CADM2: variants seen among roughly 807,000 people sequenced by gnomAD.
The protein encoded by CADM2 is cell adhesion molecule 2.
CADM2 carries 12 observed loss-of-function variants against 49.8 expected under a neutral mutation model. The ratio of observed to expected loss-of-function variants is 0.24; its 90% CI spans 0.15 to 0.39. CADM2 has a LOEUF of 0.39. Among genes scored for constraint, CADM2 ranks in the 10% least tolerant of loss-of-function variants. CADM2 has a pLI of 1.00. For missense variants in CADM2, 378 were observed against 492.3 expected (o/e 0.77, Z 2.20); for synonymous variants, 214 against 175.4 (o/e 1.22, Z -1.74).
chr3:85,841,619 C>T (rs1241411503), intron 3 of CADM2, among the ~76,000 whole-genome samples: 2 of 151,964 alleles, frequency 1.3e-5, no homozygotes, highest in African/African-American at 4.8e-5. Context: ...CCCAACCAAT[C>T]CAGGTTTGTG....
intron 1 of CADM2, among the ~76,000 whole-genome samples, chr3:84,990,205 C>T (rs913187139): frequency 6.6e-5 from 10 of 151,350 alleles, no homozygotes; most frequent in Non-Finnish European, 1.3e-4. Context: ...AAAGACTAAG[C>T]GTATTTACAA....
chr3:85,053,835 C>T (rs905115456), intron 1 of CADM2, among the ~76,000 whole-genome samples: 2 of 151,778 alleles, frequency 1.3e-5, no homozygotes, highest in African/African-American at 4.8e-5. Context: ...TGGCTGCCAC[C>T]CTCATGTTTA....
chr3:85,622,246 G>A (rs576588349), intron 1 of CADM2, among the ~76,000 whole-genome samples: 5 of 152,030 alleles, frequency 3.3e-5, no homozygotes, highest in African/African-American at 1.2e-4. Flanking sequence ...ATGTCAGCAA[G>A]ACAATATTAT....
At position 85,373,107 on chromosome 3, in the gene CADM2, C is replaced by A. The variant is rs1489647698; in HGVS notation, c.62-353415C>A. 2.7e-4 allele frequency among the ~76,000 whole-genome samples: 41 copies of A among 152,108 alleles called. 1 individual carries two copies. On this transcript the variant is annotated intron_variant, in intron 1 of 9. Transcript: ENST00000383699. The stretch of plus-strand genomic sequence containing the variant: ...ACCCCAAAGTCTCGACTCATTTCAG[C>A]ATTAACTCAAAAGTCCACAGCCCAA...
chr3:85,478,806 C>T (rs1258558117), intron 1 of CADM2, among the ~76,000 whole-genome samples: 1 of 151,914 alleles, frequency 6.6e-6, no homozygotes, highest in East Asian at 1.9e-4. Context: ...GGGAAATCAG[C>T]AATAGGAAAT....
At chr3:85,706,381 T>C (rs1240996205) in intron 1 of CADM2, among the ~76,000 whole-genome samples, 1 of 152,232 alleles carries the variant, frequency 6.6e-6, no homozygotes, top group Non-Finnish European at 1.5e-5. Flanking sequence ...AAGTTGATAA[T>C]CATTTTTCTA....
intron 1 of CADM2, among the ~76,000 whole-genome samples, chr3:85,309,613 G>T (rs1296312839): frequency 6.6e-6 from 1 of 151,896 alleles, no homozygotes; most frequent in Non-Finnish European, 1.5e-5. Flanking sequence ...GTTATTATAA[G>T]GGTTTCTAAC....
chr3:85,634,392 A>G (rs562233580), intron 1 of CADM2, among the ~76,000 whole-genome samples: 1 of 152,174 alleles, frequency 6.6e-6, no homozygotes, highest in South Asian at 2.1e-4. Flanking sequence ...CATATTTTTT[A>G]ATTTTAAATA....
chr3:85,619,901 G>A (rs568725766), intron 1 of CADM2, among the ~76,000 whole-genome samples: 11 of 152,122 alleles, frequency 7.2e-5, no homozygotes, highest in Non-Finnish European at 1.5e-4. Flanking sequence ...CAAAATCCCA[G>A]CCTGTCAGAA....
At chr3:85,077,032 G>A (rs2036972511) in intron 1 of CADM2, among the ~76,000 whole-genome samples, 1 of 152,176 alleles carries the variant, frequency 6.6e-6, no homozygotes, top group Admixed American at 6.5e-5. Context: ...CATTGTATAT[G>A]TTTGACTGAG....
chr3:85,347,518 TATATATAAATGTATACACAC>T lies in CADM2; in HGVS notation c.62-378993_62-378974del, dbSNP rs2030817773. Among the ~76,000 whole-genome samples, 5 of 135,694 alleles carry T rather than the reference TATATATAAATGTATACACAC, an allele frequency of 3.7e-5. No individual in the cohort carries two copies. In the East Asian group the frequency reaches 6.0e-4, roughly 16 times the overall value. 89.0% of individuals were successfully genotyped at this position (135,694 alleles called of 152,430 possible). A position where few individuals can be genotyped will look rare whatever the true frequency, so the allele number is the denominator to read the frequency against. ...ATATATATAAATATATATACACACA[TATATATAAATGTATACACAC>T]ATATATAAATATATATACACACATA... On this transcript the variant is annotated intron_variant, in intron 1 of 9. Transcript: ENST00000383699.
At chr3:85,939,364 C>T (rs1275382126) in intron 7 of CADM2, among the ~76,000 whole-genome samples, 3 of 151,920 alleles carry the variant, frequency 2.0e-5, no homozygotes, top group Non-Finnish European at 4.4e-5. Context: ...ATGCCAGCCA[C>T]TTTTCTTTCA....
chr3:85,917,048 T>G (rs1330512860), intron 6 of CADM2, among the ~76,000 whole-genome samples: 1 of 152,156 alleles, frequency 6.6e-6, no homozygotes, highest in African/African-American at 2.4e-5. Context: ...TTTGAGTTAA[T>G]TATAGATTAT....
intron 8 of CADM2, chr3:85,979,082 A>G (rs1181485885): frequency 6.8e-7 from 1 of 1,461,400 alleles, no homozygotes; most frequent in Non-Finnish European, 9.4e-7. Flanking sequence ...AATAAGTTAT[A>G]TGTATTTATA....
chr3:85,244,437 G>A (rs1010442551), intron 1 of CADM2, among the ~76,000 whole-genome samples: 1 of 151,924 alleles, frequency 6.6e-6, no homozygotes, highest in Admixed American at 6.6e-5. Flanking sequence ...AGAACTTCAG[G>A]TTAAATAACA....
chr3:85,471,094 A>G (rs4856575), intron 1 of CADM2, among the ~76,000 whole-genome samples: 30,156 of 152,002 alleles, frequency 0.2, 3,777 homozygotes, highest in East Asian at 0.3. Context: ...AAAATATACT[A>G]TTTTAAAGCA....
At chr3:85,521,198 G>A (rs2061019783) in intron 1 of CADM2, among the ~76,000 whole-genome samples, 1 of 152,132 alleles carries the variant, frequency 6.6e-6, no homozygotes, top group Non-Finnish European at 1.5e-5. Flanking sequence ...TTTTAGAACA[G>A]ATTTCTGTGA....
intron 3 of CADM2, among the ~76,000 whole-genome samples, chr3:85,813,245 A>G (rs562229045): frequency 6.6e-6 from 1 of 152,290 alleles, no homozygotes; most frequent in East Asian, 1.9e-4. Context: ...TGCCATTCTA[A>G]CTGGTGTGTG....
chr3:85,941,746 T>C (rs995661578), intron 7 of CADM2, among the ~76,000 whole-genome samples: 7 of 152,058 alleles, frequency 4.6e-5, no homozygotes, highest in Non-Finnish European at 5.9e-5. Context: ...GACTAAGTAG[T>C]TAGCAAGTTT....
Sources: gnomAD v4.1 joint callset for allele counts (sites outside exome capture counted in the v4.1 genomes callset) on GRCh38, gnomAD v4.1.1 for gene constraint, MANE v1.5 for transcripts, NCBI Gene and HGNC (gene_info 2026-07-23, HGNC 2026-07-21) for gene names.